The following VWA8 variants were observed in gnomAD, a reference collection of about 807,000 sequenced individuals.
VWA8 encodes von Willebrand factor A domain-containing protein 8.
A neutral mutation model predicts 241.5 loss-of-function variants in VWA8; 221 were observed. The observed-to-expected ratio is 0.91, with a 90% CI of 0.82 to 1.02. The LOEUF is 1.02. Among genes scored for constraint, VWA8 ranks in the 50% least tolerant of loss-of-function variants. The pLI is 0.00. For synonymous variants in VWA8, 852 were observed against 827.1 expected (o/e 1.03, Z -0.52); for missense variants, 2,322 against 2,328.7 (o/e 1.00, Z 0.06).
At chr13:41,885,798 A>G in intron 8 of VWA8, 122 bp downstream of exon 8, 2 of 683,884 alleles carry the variant, frequency 2.9e-6, no homozygotes, top group South Asian at 2.1e-5. Context: ...AATTAATCTC[A>G]GGCCTTACAA....
In VWA8 at chr13:41,608,059, C is replaced by T. The variant is rs537259773; in HGVS notation, c.4878-2783G>A. Among the ~76,000 whole-genome samples the T allele has an allele frequency of 1.1e-4, 16 of 152,108 alleles. 1 individual carries two copies. In the South Asian group the frequency reaches 3.3e-3, roughly 32 times the overall value. On this transcript the variant is annotated intron_variant, in intron 39 of 44. Transcript: ENST00000379310. ...ATACACACATAAAAACACATATGTA[C>T]ATACATACACACAAACATATCAAGG...
At chr13:41,756,223 T>A (rs2045694243) in intron 21 of VWA8, among the ~76,000 whole-genome samples, 1 of 151,778 alleles carries the variant, frequency 6.6e-6, no homozygotes, top group South Asian at 2.1e-4. Flanking sequence ...TTATCAAAGC[T>A]TCTCATGGCT....
chr13:41,777,144 G>A (rs1243960478), intron 20 of VWA8, among the ~76,000 whole-genome samples: 1 of 152,058 alleles, frequency 6.6e-6, no homozygotes, highest in African/African-American at 2.4e-5. Context: ...TATGTAACAG[G>A]TACCATGCTA....
At chr13:41,838,789 T>C (rs527425147) in intron 12 of VWA8, among the ~76,000 whole-genome samples, 1 of 152,276 alleles carries the variant, frequency 6.6e-6, no homozygotes, top group East Asian at 1.9e-4. Flanking sequence ...GAATGATGGT[T>C]TCCAGCTTCA....
At chr13:41,794,265 A>C (rs1016741907) in intron 17 of VWA8, among the ~76,000 whole-genome samples, 2 of 152,142 alleles carry the variant, frequency 1.3e-5, no homozygotes, top group Non-Finnish European at 2.9e-5. Flanking sequence ...CTTATCCATG[A>C]GTATGGAATG....
chr13:41,631,245 T>C (rs1042489600), intron 37 of VWA8, among the ~76,000 whole-genome samples: 1 of 152,056 alleles, frequency 6.6e-6, no homozygotes, highest in Admixed American at 6.6e-5. Context: ...GTCTTGAACC[T>C]TTGGGCTCAA....
intron 13 of VWA8, among the ~76,000 whole-genome samples, chr13:41,832,078 A>G (rs1430248614): frequency 6.6e-6 from 1 of 152,004 alleles, no homozygotes; most frequent in Non-Finnish European, 1.5e-5. Flanking sequence ...CTACAGGCAC[A>G]TGCCACCACT....
chr13:41,766,410 G>A (rs2045779466), intron 20 of VWA8, among the ~76,000 whole-genome samples: 1 of 152,126 alleles, frequency 6.6e-6, no homozygotes, highest in South Asian at 2.1e-4. Context: ...AATGGGATTT[G>A]GACTAAATGT....
At chr13:41,838,531 T>C (rs1449148833) in intron 12 of VWA8, among the ~76,000 whole-genome samples, 1 of 152,154 alleles carries the variant, frequency 6.6e-6, no homozygotes, top group Non-Finnish European at 1.5e-5. Context: ...AATACGCATT[T>C]CTACCACATA....
chr13:41,576,796 T>G (rs773253891), intron 42 of VWA8, among the ~76,000 whole-genome samples: 15 of 152,238 alleles, frequency 9.9e-5, no homozygotes, highest in Non-Finnish European at 1.9e-4. Flanking sequence ...AAATTTCAAA[T>G]ACTTGGGTTC....
chr13:41,679,459 C>T (rs1334262279), intron 35 of VWA8, among the ~76,000 whole-genome samples: 6 of 152,100 alleles, frequency 3.9e-5, no homozygotes, highest in Non-Finnish European at 8.8e-5. Context: ...TGTGCTGATA[C>T]CAAATTTTTG....
chr13:41,916,357 A>AGCT (rs1160479653), intron 2 of VWA8, among the ~76,000 whole-genome samples: 3 of 152,100 alleles, frequency 2.0e-5, no homozygotes, highest in Non-Finnish European at 4.4e-5. Context: ...TCCCTCCAAA[A>AGCT]GCTTTTCAAC....
intron 17 of VWA8, among the ~76,000 whole-genome samples, chr13:41,793,576 G>A (rs1869549217): frequency 6.6e-6 from 1 of 152,146 alleles, no homozygotes; most frequent in Non-Finnish European, 1.5e-5. Flanking sequence ...CACTTTGGGA[G>A]GACAAGGCGG....
At position 41,719,631 on chromosome 13, in the gene VWA8, G is replaced by T; in HGVS notation, c.3076C>A (p.Pro1026Thr). The T allele has an allele frequency of 1.2e-6, 2 of 1,613,028 alleles. No individual in the cohort carries two copies. The highest frequency in any genetic ancestry group is 2.2e-5 in the South Asian group (2 of 91,046). ...ACACTGGTAGGCTTTGCTCCGATAG[G>T]TATCCCGTATTTGTGTAAAGTGTTA... ...LINTLHKYGI[P>T]IGAKPTSVQL... The change falls in exon 26 of 45, where the codon CCT becomes ACT. Residue 1026 changes from proline (P) to threonine (T), a missense_variant. Pro to Thr is a conservative substitution (Grantham distance 38). Coordinates refer to ENST00000379310, the MANE Select transcript of VWA8 (RefSeq NM_015058.2).
intron 2 of VWA8, among the ~76,000 whole-genome samples, chr13:41,937,784 A>G (rs571913015): frequency 6.6e-6 from 1 of 152,356 alleles, no homozygotes; most frequent in African/African-American, 2.4e-5. Flanking sequence ...TTTGTCAATT[A>G]AAAAATAAAT....
intron 37 of VWA8, among the ~76,000 whole-genome samples, chr13:41,620,660 C>T (rs2044651076): frequency 6.6e-6 from 1 of 152,100 alleles, no homozygotes; most frequent in African/African-American, 2.4e-5. Context: ...ACAATTTTTA[C>T]AATAGTCCTG....
intron 21 of VWA8, among the ~76,000 whole-genome samples, chr13:41,752,852 G>A (rs1287201937): frequency 6.6e-6 from 1 of 152,118 alleles, no homozygotes; most frequent in Admixed American, 6.6e-5. Flanking sequence ...AAGACTCAAG[G>A]AGTTCAGGGC....
intron 20 of VWA8, among the ~76,000 whole-genome samples, chr13:41,766,164 A>G (rs1593756750): frequency 6.6e-6 from 1 of 152,014 alleles, no homozygotes; most frequent in East Asian, 1.9e-4. Context: ...GATTTCTGGG[A>G]CTCTTATAAC....
intron 2 of VWA8, among the ~76,000 whole-genome samples, chr13:41,922,108 A>G (rs1876570113): frequency 6.6e-6 from 1 of 152,218 alleles, no homozygotes; most frequent in Non-Finnish European, 1.5e-5. Flanking sequence ...GGAACAGAAC[A>G]GAGCCCTCAG....
Sources: allele counts gnomAD v4.1 joint callset (sites outside exome capture counted in the v4.1 genomes callset), GRCh38; gene constraint gnomAD v4.1.1; transcripts MANE v1.5; gene names NCBI Gene and HGNC (gene_info 2026-07-23, HGNC 2026-07-21).